The following ZSCAN25 variants were observed in gnomAD, a reference collection of about 807,000 sequenced individuals.
The protein encoded by ZSCAN25 is zinc finger and SCAN domain-containing protein 25.
ZSCAN25 carries 27 observed loss-of-function variants against 38.7 expected under a neutral mutation model. That is an observed-to-expected ratio of 0.70 (90% CI 0.51 to 0.96). ZSCAN25 has a LOEUF of 0.96. Ranked by LOEUF, ZSCAN25 falls within the 40% of genes least tolerant of loss-of-function variation. ZSCAN25 has a pLI of 0.00. For missense variants in ZSCAN25, 637 were observed against 705.9 expected (o/e 0.90, Z 1.11); for synonymous variants, 273 against 277.7 (o/e 0.98, Z 0.17).
At chr7:99,713,403 A>G in the ZSCAN25 span, 2 of 1,606,696 alleles carry the variant, frequency 1.2e-6, no homozygotes, top group African/African-American at 1.3e-5. Flanking sequence ...CTTCCTGCAC[A>G]TTTTCAGAAC....
chr7:99,681,608 C>G, the ZSCAN25 span, among the ~76,000 whole-genome samples: 1 of 152,160 alleles, frequency 6.6e-6, no homozygotes. Context: ...TGTATGTCTT[C>G]TTTTGAAAAA....
chr7:99,737,041 C>T, the ZSCAN25 span, among the ~76,000 whole-genome samples: 22 of 152,278 alleles, frequency 1.4e-4, no homozygotes, highest in East Asian at 3.7e-3. Flanking sequence ...AAAGGACAGA[C>T]ACGGGTAGGT....
chr7:99,727,964 G>A, the ZSCAN25 span, among the ~76,000 whole-genome samples: 1 of 152,282 alleles, frequency 6.6e-6, no homozygotes, highest in Non-Finnish European at 1.5e-5. Context: ...GTCATTCACT[G>A]CAAAGGCCAT....
At chr7:99,714,524 AC>A in the ZSCAN25 span, 1 of 1,610,194 alleles carries the variant, frequency 6.2e-7, no homozygotes, top group Non-Finnish European at 8.5e-7. Context: ...TGAAAACTAA[AC>A]ATCCTCCTAT....
chr7:99,676,052 C>G, the ZSCAN25 span: 12 of 1,444,284 alleles, frequency 8.3e-6, no homozygotes, highest in African/African-American at 1.4e-5. Context: ...GGCATTTTTA[C>G]TGATGGAACT....
At chr7:99,679,929 G>A in the ZSCAN25 span, 2 of 1,599,146 alleles carry the variant, frequency 1.3e-6, no homozygotes, top group Non-Finnish European at 1.7e-6. Context: ...TGTTCTGTGA[G>A]TCTTCCTTTT....
the ZSCAN25 span, chr7:99,650,214 G>A: frequency 1.2e-6 from 2 of 1,613,560 alleles, no homozygotes; most frequent in Admixed American, 1.7e-5. Flanking sequence ...GATCTATGCT[G>A]TCCTTCTTCT....
the ZSCAN25 span, chr7:99,663,569 C>A: frequency 7.1e-4 from 710 of 993,384 alleles, 4 homozygotes; most frequent in African/African-American, 0.012. Context: ...CCTTTAATTG[C>A]AGAATATGTA....
chr7:99,690,625 G>A, the ZSCAN25 span, among the ~76,000 whole-genome samples: 1 of 152,000 alleles, frequency 6.6e-6, no homozygotes, highest in Non-Finnish European at 1.5e-5. Flanking sequence ...ATCAACAAGT[G>A]GGTGAAGGAT....
At chr7:99,709,580 A>T in the ZSCAN25 span, among the ~76,000 whole-genome samples, 1 of 152,234 alleles carries the variant, frequency 6.6e-6, no homozygotes, top group African/African-American at 2.4e-5. Context: ...GACCACTAGC[A>T]TCAAATAAAA....
chr7:99,647,519 T>C, the ZSCAN25 span: 1 of 985,450 alleles, frequency 1.0e-6, no homozygotes, highest in South Asian at 4.7e-5. Flanking sequence ...ATGCAAGACG[T>C]ATAAGAAAAC....
chr7:99,715,825 G>A, the ZSCAN25 span: 11 of 1,613,800 alleles, frequency 6.8e-6, no homozygotes, highest in South Asian at 7.7e-5. Flanking sequence ...CCACAAAGGG[G>A]TCTTGTGGAT....
the ZSCAN25 span, among the ~76,000 whole-genome samples, chr7:99,662,296 A>G: frequency 2.0e-5 from 3 of 152,250 alleles, no homozygotes; most frequent in Non-Finnish European, 4.4e-5. This position sits in a 1 kb window ranked among gnomAD's most constrained non-coding sequence, Gnocchi z 4.3. Context: ...CATGGGTCAT[A>G]AAACTAGTAG....
the ZSCAN25 span, among the ~76,000 whole-genome samples, chr7:99,645,101 G>A: frequency 2.6e-5 from 4 of 152,196 alleles, no homozygotes; most frequent in South Asian, 2.1e-4. Context: ...AGCGATTCTC[G>A]TGCCTCAGCC....
At chr7:99,655,686 T>C in the ZSCAN25 span, among the ~76,000 whole-genome samples, 6 of 152,318 alleles carry the variant, frequency 3.9e-5, no homozygotes, top group East Asian at 3.9e-4. Flanking sequence ...GCCATTTTCA[T>C]GATATTGATT....
the ZSCAN25 span, chr7:99,638,649 C>T: frequency 6.3e-7 from 1 of 1,581,224 alleles, no homozygotes; most frequent in African/African-American, 1.3e-5. Flanking sequence ...GAATTGTGGT[C>T]ACCGACTGGC....
chr7:99,696,939 A>T, the ZSCAN25 span, among the ~76,000 whole-genome samples: 2 of 152,100 alleles, frequency 1.3e-5, no homozygotes, highest in Non-Finnish European at 2.9e-5. Context: ...TGCTCCAGCC[A>T]TGTAATATCT....
chr7:99,676,067 T>C, the ZSCAN25 span: 1 of 1,531,156 alleles, frequency 6.5e-7, no homozygotes, highest in Admixed American at 1.7e-5. Flanking sequence ...GGAACTAAGC[T>C]GATGTTTGCA....
At chr7:99,683,833 A>G in the ZSCAN25 span, among the ~76,000 whole-genome samples, 2 of 151,916 alleles carry the variant, frequency 1.3e-5, no homozygotes, top group African/African-American at 2.4e-5. Context: ...TCTCTTTTCT[A>G]CCTTAATGTG....
Sources: gnomAD v4.1 joint callset for allele counts (sites outside exome capture counted in the v4.1 genomes callset) on GRCh38, gnomAD v4.1.1 for gene constraint, Gnocchi (gnomAD v3.1) non-coding constraint, MANE v1.5 for transcripts, NCBI Gene and HGNC (gene_info 2026-07-23, HGNC 2026-07-21) for gene names.